The following RBFOX2 variants were observed in gnomAD, a reference collection of about 807,000 sequenced individuals.
RBFOX2 encodes RNA binding fox-1 homolog 2.
A neutral mutation model predicts 49.1 loss-of-function variants in RBFOX2; 10 were observed. The ratio of observed to expected loss-of-function variants is 0.20; its 90% CI spans 0.13 to 0.35. The LOEUF (loss-of-function observed/expected upper bound fraction) is 0.35, where lower values mean the gene tolerates loss of function less well. Ranked by LOEUF, RBFOX2 falls within the 10% of genes least tolerant of loss-of-function variation. RBFOX2 has a pLI of 1.00. For synonymous variants in RBFOX2, 183 were observed against 187.4 expected (o/e 0.98, Z 0.19); for missense variants, 323 against 486.9 (o/e 0.66, Z 3.17).
chr22:35,809,090 A>C (rs965264507), intron 2 of RBFOX2, among the ~76,000 whole-genome samples: 2 of 150,692 alleles, frequency 1.3e-5, no homozygotes, highest in African/African-American at 4.9e-5. Flanking sequence ...TCCTATGTGG[A>C]GGATAGATAA....
At chr22:35,818,140 C>G (rs578141791) in intron 1 of RBFOX2, among the ~76,000 whole-genome samples, 2 of 152,254 alleles carry the variant, frequency 1.3e-5, no homozygotes, top group African/African-American at 2.4e-5. Flanking sequence ...AAGCAACAAA[C>G]CCTGTAATAG....
intron 1 of RBFOX2, among the ~76,000 whole-genome samples, chr22:35,907,384 G>C (rs906548442): frequency 3.9e-5 from 6 of 152,194 alleles, no homozygotes; most frequent in Non-Finnish European, 8.8e-5. Context: ...AAACTGCTTT[G>C]TGGAAAGGGG....
intron 1 of RBFOX2, among the ~76,000 whole-genome samples, chr22:35,879,804 C>G (rs1237213069): frequency 1.3e-5 from 2 of 152,148 alleles, no homozygotes; most frequent in Non-Finnish European, 2.9e-5. Flanking sequence ...GACCAGGTAG[C>G]AGACTATTAC....
intron 2 of RBFOX2, among the ~76,000 whole-genome samples, chr22:35,792,874 C>G (rs1324174017): frequency 2.6e-5 from 4 of 152,208 alleles, no homozygotes; most frequent in Non-Finnish European, 5.9e-5. Context: ...TCTCAAAAAA[C>G]AAGAACTACA....
chr22:35,933,897 G>A (rs1057368344), intron 1 of RBFOX2, among the ~76,000 whole-genome samples: 2 of 141,440 alleles, frequency 1.4e-5, no homozygotes, highest in Non-Finnish European at 3.0e-5. Flanking sequence ...TATAGAAGTC[G>A]TAAGTTCTTA....
At chr22:36,001,519 G>T (rs529487718) in intron 1 of RBFOX2, among the ~76,000 whole-genome samples, 1 of 152,284 alleles carries the variant, frequency 6.6e-6, no homozygotes, top group African/African-American at 2.4e-5. Flanking sequence ...CTAGTACTTT[G>T]AGAAGTTGAG....
chr22:35,840,579 C>A, exon 1 of RBFOX2: 1 of 1,174,628 alleles, frequency 8.5e-7, no homozygotes, highest in Non-Finnish European at 1.1e-6. Flanking sequence ...AGCAGGCCTG[C>A]TGGAGAATGG....
At chr22:35,850,807 A>G (rs900916426) in intron 1 of RBFOX2, among the ~76,000 whole-genome samples, 2 of 152,250 alleles carry the variant, frequency 1.3e-5, no homozygotes, top group African/African-American at 4.8e-5. Context: ...AGTAATCCTT[A>G]GAAAAAGGAC....
Position 36,026,535 on chromosome 22 carries a change from AATAC to A in RBFOX2, c.186+1701_186+1704del, listed in dbSNP as rs1001103383. On this transcript the variant is annotated intron_variant, in intron 1 of 13. Transcript: ENST00000438146. ...CTAGGATTGACAGAAATGATAAATG[AATAC>A]ATACACACACACACACACACACACA... Among the ~76,000 whole-genome samples, 241 of 125,026 alleles carry A rather than the reference AATAC, an allele frequency of 1.9e-3. 1 individual carries two copies. The highest frequency in any genetic ancestry group is 9.7e-3 in the African/African-American group (217 of 22,372). 82.0% of individuals were successfully genotyped at this position (125,026 alleles called of 152,430 possible).
chr22:35,777,650 T>C (rs926366037), intron 4 of RBFOX2: 8 of 188,516 alleles, frequency 4.2e-5, no homozygotes, highest in Non-Finnish European at 7.7e-5. Context: ...ATTGTTCTGA[T>C]AGAATTCAGA....
At chr22:35,963,475 TATA>T (rs1412670772), upstream of RBFOX2, among the ~76,000 whole-genome samples, 1 of 152,192 alleles carries the variant, frequency 6.6e-6, no homozygotes, top group Non-Finnish European at 1.5e-5. Flanking sequence ...AATTATTAAG[TATA>T]ATAAGCACAG....
intron 1 of RBFOX2, among the ~76,000 whole-genome samples, chr22:35,945,139 G>A (rs1370043352): frequency 1.3e-5 from 2 of 152,094 alleles, no homozygotes; most frequent in African/African-American, 2.4e-5. Flanking sequence ...AATAACTTGG[G>A]TAATGGGTAC....
chr22:35,882,100 AG>A (rs2045981983), intron 1 of RBFOX2, among the ~76,000 whole-genome samples: 2 of 152,336 alleles, frequency 1.3e-5, no homozygotes, highest in East Asian at 3.9e-4. Flanking sequence ...TAAAGCCATG[AG>A]AGTGGATGAA....
intron 1 of RBFOX2, among the ~76,000 whole-genome samples, chr22:35,885,843 A>ATTTTTTTTTTTTTTTTTTTTTT (rs538674450): frequency 1.2e-5 from 1 of 83,146 alleles, no homozygotes; most frequent in African/African-American, 5.3e-5. Context: ...CCCAAACCTA[A>ATTTTTTTTTTTTTTTTTTTTTT]TTTTTTTTTT....
intron 1 of RBFOX2, chr22:36,000,005 A>ATATATAT (rs10625815): frequency 9.1e-4 from 108 of 118,938 alleles, no homozygotes; most frequent in East Asian, 4.1e-3. Context: ...ATATATATAT[A>ATATATAT]TTTTTTTTTT....
At chr22:35,792,000 A>T (rs958436407) in intron 2 of RBFOX2, among the ~76,000 whole-genome samples, 2 of 152,188 alleles carry the variant, frequency 1.3e-5, no homozygotes, top group Non-Finnish European at 2.9e-5. Flanking sequence ...GTGAATTACC[A>T]TGCAATTCAA....
intron 2 of RBFOX2, among the ~76,000 whole-genome samples, chr22:35,792,330 A>AGAAAG (rs1947881555): frequency 7.3e-6 from 1 of 136,406 alleles, no homozygotes; most frequent in Non-Finnish European, 1.5e-5. Flanking sequence ...AAAAAAAAAA[A>AGAAAG]AAAAGAAAAG....
intron 1 of RBFOX2, among the ~76,000 whole-genome samples, chr22:35,810,431 T>C (rs958475713): frequency 1.3e-5 from 2 of 151,216 alleles, no homozygotes; most frequent in Non-Finnish European, 2.9e-5. Flanking sequence ...TAGGAGAAAA[T>C]ATTAGCAAAA....
At chr22:35,788,528 A>G (rs145912209) in intron 2 of RBFOX2, among the ~76,000 whole-genome samples, 3 of 152,290 alleles carry the variant, frequency 2.0e-5, no homozygotes, top group Admixed American at 2.0e-4. Flanking sequence ...GAAAATATCT[A>G]TTTAACCATC....
Sources: gnomAD v4.1 joint callset for allele counts (sites outside exome capture counted in the v4.1 genomes callset) on GRCh38, gnomAD v4.1.1 for gene constraint, MANE v1.5 for transcripts, NCBI Gene and HGNC (gene_info 2026-07-23, HGNC 2026-07-21) for gene names.